COBL: variants seen among roughly 807,000 people sequenced by gnomAD.
COBL encodes the protein protein cordon-bleu.
COBL carries 51 observed loss-of-function variants against 98.8 expected under a neutral mutation model. The ratio of observed to expected loss-of-function variants is 0.52; its 90% CI spans 0.41 to 0.65. The LOEUF (loss-of-function observed/expected upper bound fraction) is 0.65. Among genes scored for constraint, COBL ranks in the 30% least tolerant of loss-of-function variants. The pLI, the probability that COBL is intolerant of heterozygous loss-of-function variation, is 0.00. For missense variants in COBL, 1,617 were observed against 1,617.5 expected (o/e 1.00, Z 0.01); for synonymous variants, 634 against 651.7 (o/e 0.97, Z 0.41).
At chr7:51,085,368 C>A (rs1321855659) in intron 6 of COBL, 64 bp from the exon 7 acceptor site, 1 of 1,413,130 alleles carries the variant, frequency 7.1e-7, no homozygotes, top group Non-Finnish European at 9.6e-7. Flanking sequence ...ACAAAGAAGG[C>A]AGTATTAGGG....
chr7:51,051,997 A>T (rs189593086), intron 7 of COBL, among the ~76,000 whole-genome samples: 129 of 152,342 alleles, frequency 8.5e-4, no homozygotes, highest in Non-Finnish European at 2.4e-4. Flanking sequence ...CTAAAGTATT[A>T]CACTATTGGC....
chr7:51,237,877 C>T (rs1795417752), intron 1 of COBL, among the ~76,000 whole-genome samples: 1 of 152,212 alleles, frequency 6.6e-6, no homozygotes, highest in African/African-American at 2.4e-5. Flanking sequence ...CTTTGTGGTT[C>T]TCTCTGAAGG....
chr7:51,229,760 G>C (rs567562406), intron 1 of COBL, among the ~76,000 whole-genome samples: 2 of 152,278 alleles, frequency 1.3e-5, no homozygotes, highest in East Asian at 3.9e-4. Context: ...CTATGTGGCA[G>C]CATGGATTTT....
intron 5 of COBL, among the ~76,000 whole-genome samples, chr7:51,150,338 C>T (rs1168707720): frequency 6.6e-6 from 1 of 152,196 alleles, no homozygotes; most frequent in Non-Finnish European, 1.5e-5. Context: ...CATGATTGAA[C>T]GTAGGTGTTA....
intron 3 of COBL, among the ~76,000 whole-genome samples, chr7:51,192,758 T>G (rs1278043173): frequency 6.6e-6 from 1 of 152,210 alleles, no homozygotes; most frequent in African/African-American, 2.4e-5. Flanking sequence ...TCAAAAAAGT[T>G]TTTTTCCCTT....
intron 1 of COBL, among the ~76,000 whole-genome samples, chr7:51,288,204 C>T (rs1186879924): frequency 1.3e-5 from 2 of 151,948 alleles, no homozygotes; most frequent in African/African-American, 4.8e-5. Context: ...GAGGCCGAGG[C>T]GGGTGGATCA....
intron 1 of COBL, among the ~76,000 whole-genome samples, chr7:51,307,534 G>A (rs1018966866): frequency 1.3e-5 from 2 of 152,172 alleles, no homozygotes; most frequent in Non-Finnish European, 2.9e-5. Context: ...AATAAGGCAA[G>A]TCCTTGCAAA....
chr7:51,087,092 GTTCT>G (rs1202504944), intron 6 of COBL, among the ~76,000 whole-genome samples: 1 of 147,682 alleles, frequency 6.8e-6, no homozygotes, highest in East Asian at 2.0e-4. Flanking sequence ...TGAGGATTTG[GTTCT>G]TTAAGACACA....
chr7:51,309,113 C>T (rs1032499757), intron 1 of COBL, among the ~76,000 whole-genome samples: 5 of 152,176 alleles, frequency 3.3e-5, no homozygotes, highest in Non-Finnish European at 7.3e-5. Flanking sequence ...CCCCGGCCCT[C>T]ACAGGAGTCA....
chr7:51,311,804 A>G (rs1257624214), intron 1 of COBL, among the ~76,000 whole-genome samples: 1 of 152,244 alleles, frequency 6.6e-6, no homozygotes, highest in South Asian at 2.1e-4. Flanking sequence ...ATCTCTATGT[A>G]GTAATATAAA....
chr7:51,195,610 T>C (rs746690187), intron 2 of COBL, among the ~76,000 whole-genome samples: 1 of 152,236 alleles, frequency 6.6e-6, no homozygotes, highest in Non-Finnish European at 1.5e-5. Context: ...TTGGGCAATA[T>C]GGCCATTTTT....
At chr7:51,175,928 C>T (rs948603795) in intron 5 of COBL, among the ~76,000 whole-genome samples, 3 of 152,216 alleles carry the variant, frequency 2.0e-5, no homozygotes, top group Non-Finnish European at 4.4e-5. Context: ...CCCACGTTTT[C>T]CTGCCTTTTG....
intron 6 of COBL, among the ~76,000 whole-genome samples, chr7:51,088,322 G>A (rs928383884): frequency 5.6e-5 from 8 of 142,484 alleles, no homozygotes; most frequent in Non-Finnish European, 1.2e-4. Context: ...GAGTACTCTT[G>A]CCTAAATTTT....
intron 5 of COBL, among the ~76,000 whole-genome samples, chr7:51,177,811 TAAATAAA>T (rs922005036): frequency 8.7e-6 from 1 of 115,482 alleles, no homozygotes; most frequent in African/African-American, 3.0e-5. Context: ...AATAAATAAA[TAAATAAA>T]AATTTAAAAG....
chr7:51,291,283 G>A (rs1584419309), intron 1 of COBL, among the ~76,000 whole-genome samples: 1 of 152,288 alleles, frequency 6.6e-6, no homozygotes, highest in East Asian at 1.9e-4. Context: ...CACCAGAAAG[G>A]AGATTGCTGA....
chr7:51,245,070 C>T (rs1796168205), intron 1 of COBL, among the ~76,000 whole-genome samples: 3 of 152,146 alleles, frequency 2.0e-5, no homozygotes, highest in Admixed American at 2.0e-4. Flanking sequence ...ACCCAATGTC[C>T]CAATTTCCTC....
Position 51,207,527 on chromosome 7 carries a change from C to T in COBL, c.245+12214G>A, listed in dbSNP as rs552244638. ...GCCATCTCGGCTCACTGCAACCTCC[C>T]TGCCTGATTCTCCTGCCTCAGCCTG... is the stretch of plus-strand genomic sequence containing the variant. On this transcript the variant is annotated intron_variant, in intron 2 of 12. Coordinates refer to ENST00000265136, the MANE Select transcript of COBL (RefSeq NM_015198.5). 1.6e-3 allele frequency among the ~76,000 whole-genome samples: 245 copies of T among 152,340 alleles called. 1 individual carries two copies. Among genetic ancestry groups the T allele is most frequent in the African/African-American group, 5.7e-3 (238 of 41,584 alleles).
intron 6 of COBL, among the ~76,000 whole-genome samples, chr7:51,124,128 A>G (rs1797989864): frequency 6.6e-6 from 1 of 152,202 alleles, no homozygotes; most frequent in South Asian, 2.1e-4. Context: ...TAAAAGTCCT[A>G]GCAGAGTGCC....
At chr7:51,082,610 G>A (rs1030348973) in intron 7 of COBL, among the ~76,000 whole-genome samples, 7 of 152,136 alleles carry the variant, frequency 4.6e-5, no homozygotes, top group Non-Finnish European at 7.3e-5. Context: ...ATGCTTGGCC[G>A]CTGGCGACAG....
Sources: allele counts gnomAD v4.1 joint callset (sites outside exome capture counted in the v4.1 genomes callset), GRCh38; gene constraint gnomAD v4.1.1; transcripts MANE v1.5; gene names NCBI Gene and HGNC (gene_info 2026-07-23, HGNC 2026-07-21).